The following CNTN4 variants were observed in gnomAD, a reference collection of about 807,000 sequenced individuals.
CNTN4 encodes the protein contactin-4.
Under a neutral mutation model 122.5 loss-of-function variants are expected in CNTN4, and 77 were observed. The ratio of observed to expected loss-of-function variants is 0.63; its 90% CI spans 0.52 to 0.76. The LOEUF is 0.76. Among genes scored for constraint, CNTN4 ranks in the 30% least tolerant of loss-of-function variants. The pLI is 0.00. For synonymous variants in CNTN4, 512 were observed against 447.0 expected (o/e 1.15, Z -1.83); for missense variants, 1,256 against 1,259.1 (o/e 1.00, Z 0.04).
At chr3:2,566,300 A>G (rs1355100445) in intron 3 of CNTN4, among the ~76,000 whole-genome samples, 1 of 152,206 alleles carries the variant, frequency 6.6e-6, no homozygotes, top group African/African-American at 2.4e-5. Context: ...TACTGGCTCT[A>G]TTGATTTCTA....
At chr3:2,754,707 A>G (rs1014494379) in intron 6 of CNTN4, among the ~76,000 whole-genome samples, 4 of 151,958 alleles carry the variant, frequency 2.6e-5, no homozygotes, top group Non-Finnish European at 1.5e-5. Context: ...CAAGCAATCT[A>G]TGAATAAAGT....
chr3:2,597,815 A>G (rs1241708808), intron 4 of CNTN4, among the ~76,000 whole-genome samples: 5 of 152,188 alleles, frequency 3.3e-5, no homozygotes, highest in Non-Finnish European at 7.3e-5. Context: ...AAAACAGCCT[A>G]TGTTTGTTCC....
chr3:2,353,840 A>G (rs1034643130), intron 3 of CNTN4, among the ~76,000 whole-genome samples: 3 of 151,904 alleles, frequency 2.0e-5, no homozygotes, highest in Admixed American at 2.0e-4. Flanking sequence ...CGGAGCTTGC[A>G]GTGAGCCAAG....
chr3:2,693,800 C>T (rs2085869348), intron 4 of CNTN4, among the ~76,000 whole-genome samples: 1 of 152,186 alleles, frequency 6.6e-6, no homozygotes, highest in Non-Finnish European at 1.5e-5. Context: ...GGAAACACAT[C>T]ACAAGAATTC....
chr3:2,700,679 A>G (rs1402612706), intron 4 of CNTN4, among the ~76,000 whole-genome samples: 1 of 152,036 alleles, frequency 6.6e-6, no homozygotes, highest in African/African-American at 2.4e-5. Context: ...GGATTTTATC[A>G]TCTATATGGA....
intron 3 of CNTN4, among the ~76,000 whole-genome samples, chr3:2,548,972 CTGTT>C (rs1279397275): frequency 2.6e-5 from 4 of 152,076 alleles, no homozygotes; most frequent in African/African-American, 4.8e-5. Context: ...ATTTGGCTCT[CTGTT>C]TGTCTATTTT....
intron 14 of CNTN4, among the ~76,000 whole-genome samples, chr3:3,011,231 C>G (rs1345095569): frequency 6.6e-6 from 1 of 152,168 alleles, no homozygotes; most frequent in Non-Finnish European, 1.5e-5. Context: ...TCAGACCTTT[C>G]ATGTCCCTCA....
At chr3:2,371,046 G>T (rs892439165) in intron 3 of CNTN4, among the ~76,000 whole-genome samples, 3 of 152,172 alleles carry the variant, frequency 2.0e-5, no homozygotes, top group Non-Finnish European at 4.4e-5. Context: ...GTCTTTACTT[G>T]TTTTGGGCTA....
At chr3:2,285,585 AT>A (rs1559413219) in intron 2 of CNTN4, among the ~76,000 whole-genome samples, 2 of 152,128 alleles carry the variant, frequency 1.3e-5, no homozygotes, top group Non-Finnish European at 2.9e-5. Context: ...GCCTTCTCAT[AT>A]TAAAAAATAT....
intron 3 of CNTN4, among the ~76,000 whole-genome samples, chr3:2,521,343 T>TCCCCCCCCC (rs5846190): frequency 1.9e-4 from 24 of 128,352 alleles, no homozygotes; most frequent in African/African-American, 6.3e-4. Flanking sequence ...CCTCTACCCA[T>TCCCCCCCCC]CCCCCCCACC....
intron 3 of CNTN4, among the ~76,000 whole-genome samples, chr3:2,427,153 A>G (rs1367082285): frequency 6.6e-6 from 1 of 151,956 alleles, no homozygotes; most frequent in East Asian, 1.9e-4. Context: ...AGTTCTTTTA[A>G]TTGTGATGTT....
chr3:2,731,015 G>T, intron 4 of CNTN4, among the ~76,000 whole-genome samples: 1 of 145,996 alleles, frequency 6.8e-6, no homozygotes, highest in South Asian at 2.2e-4. Flanking sequence ...TTCTTAGAGG[G>T]TTTTTTTTTT....
chr3:2,606,225 T>C (rs2081252818), intron 4 of CNTN4, among the ~76,000 whole-genome samples: 1 of 152,162 alleles, frequency 6.6e-6, no homozygotes, highest in African/African-American at 2.4e-5. Context: ...TTTTAGATTG[T>C]CGTGATTCCT....
intron 2 of CNTN4, among the ~76,000 whole-genome samples, chr3:2,328,363 G>A (rs1176267555): frequency 2.6e-4 from 40 of 151,132 alleles, no homozygotes; most frequent in South Asian, 1.1e-3. Context: ...CCAAGATGGC[G>A]CCACCGCCCT....
chr3:3,036,489 G>A (rs901425260), intron 17 of CNTN4, among the ~76,000 whole-genome samples: 2 of 152,060 alleles, frequency 1.3e-5, no homozygotes, highest in African/African-American at 4.8e-5. Context: ...TAGGCCAGGC[G>A]CAGTGGCTCA....
intron 6 of CNTN4, among the ~76,000 whole-genome samples, chr3:2,804,788 C>T (rs1046406296): frequency 6.6e-6 from 1 of 151,020 alleles, no homozygotes; most frequent in African/African-American, 2.4e-5. Flanking sequence ...GTTGCAAACT[C>T]CTGGGCTCAA....
intron 3 of CNTN4, among the ~76,000 whole-genome samples, chr3:2,446,030 A>G (rs1450667099): frequency 6.6e-6 from 1 of 152,150 alleles, no homozygotes; most frequent in African/African-American, 2.4e-5. Flanking sequence ...TAGCTGTTCA[A>G]TGACTAGATG....
chr3:2,453,515 A>C (rs1319890102), intron 3 of CNTN4, among the ~76,000 whole-genome samples: 8 of 152,156 alleles, frequency 5.3e-5, no homozygotes, highest in Admixed American at 5.2e-4. Flanking sequence ...AATATAACCA[A>C]GTCCATTTTC....
Position 2,385,596 on chromosome 3 carries a change from G to A in CNTN4, c.-89+46363G>A, listed in dbSNP as rs377507114. ...GCTCCGTCTGTAACCTCTAGGGGAGGGTCGCATCTCTCAGCTTCTGTTAGC... is the reference window on the plus strand; with the variant it reads ...GCTCCGTCTGTAACCTCTAGGGGAGAGTCGCATCTCTCAGCTTCTGTTAGC... On this transcript the variant is annotated intron_variant, in intron 3 of 24. Transcript: ENST00000418658. This position sits in a 1 kb window ranked among gnomAD's most constrained non-coding sequence, Gnocchi z 4.0. Among the ~76,000 whole-genome samples the A allele has an allele frequency of 6.6e-6, 1 of 152,016 alleles. No individual in the cohort carries two copies. Among genetic ancestry groups the A allele is most frequent in the South Asian group, 2.1e-4 (1 of 4,818 alleles).
Sources: gnomAD v4.1 joint callset for allele counts (sites outside exome capture counted in the v4.1 genomes callset) on GRCh38, gnomAD v4.1.1 for gene constraint, Gnocchi (gnomAD v3.1) non-coding constraint, MANE v1.5 for transcripts, NCBI Gene and HGNC (gene_info 2026-07-23, HGNC 2026-07-21) for gene names.